DLG2: variants seen among roughly 807,000 people sequenced by gnomAD.
DLG2 encodes discs large MAGUK scaffold protein 2, also known as disks large homolog 2.
In DLG2, 45 loss-of-function variants were observed where a neutral mutation model predicts 132.5. That is an observed-to-expected ratio of 0.34 (90% confidence interval 0.27 to 0.44). DLG2 has a LOEUF of 0.44. DLG2 is among the 20% of genes least tolerant of loss of function. The probability of loss-of-function intolerance (pLI) is 1.00; values close to 1 mark genes in which losing one functional copy is unlikely to be tolerated. For synonymous variants in DLG2, 424 were observed against 419.6 expected, an observed-to-expected ratio of 1.01 and a Z score of -0.13; for missense variants, 1,045 against 1,196.9, an observed-to-expected ratio of 0.87 and a Z score of 1.87.
At chr11:83,481,427 A>C (rs2093097150) in intron 22 of DLG2, among the ~76,000 whole-genome samples, 2 of 152,166 alleles carry the variant, frequency 1.3e-5, no homozygotes, top group South Asian at 4.1e-4. Context: ...TATAAATAAC[A>C]TCAGTTTTTT....
At chr11:84,459,435 T>G (rs956647040) in intron 7 of DLG2, among the ~76,000 whole-genome samples, 1 of 150,836 alleles carries the variant, frequency 6.6e-6, no homozygotes, top group East Asian at 1.9e-4. Context: ...GTTAAAATAA[T>G]TTATTATTTG....
intron 7 of DLG2, among the ~76,000 whole-genome samples, chr11:84,391,888 C>A (rs1312551363): frequency 6.6e-6 from 1 of 151,652 alleles, no homozygotes; most frequent in African/African-American, 2.4e-5. Context: ...TAAGGGGGTA[C>A]AAAGAGAACC....
chr11:84,994,125 G>A (rs1269884730), intron 6 of DLG2, among the ~76,000 whole-genome samples: 1 of 152,144 alleles, frequency 6.6e-6, no homozygotes, highest in Non-Finnish European at 1.5e-5. Flanking sequence ...AAAAACTGTG[G>A]CTCTTTCTGT....
At chr11:85,398,723 C>T (rs1463592572) in intron 3 of DLG2, among the ~76,000 whole-genome samples, 2 of 151,932 alleles carry the variant, frequency 1.3e-5, no homozygotes, top group African/African-American at 4.8e-5. Flanking sequence ...AAGACTAAAC[C>T]AGGAAGAAGT....
chr11:83,939,844 C>G (rs1258104761), intron 14 of DLG2, among the ~76,000 whole-genome samples: 8 of 152,126 alleles, frequency 5.3e-5, no homozygotes, highest in African/African-American at 1.4e-4. Context: ...ACTCTTATAC[C>G]TTTAACTGAA....
intron 6 of DLG2, among the ~76,000 whole-genome samples, chr11:84,699,808 G>A (rs528281974): frequency 6.6e-6 from 1 of 151,650 alleles, no homozygotes; most frequent in South Asian, 2.1e-4. Flanking sequence ...GCTTCATATA[G>A]GATAGCTTCC....
intron 6 of DLG2, among the ~76,000 whole-genome samples, chr11:84,920,240 C>T (rs1408328566): frequency 6.6e-6 from 1 of 152,112 alleles, no homozygotes; most frequent in Non-Finnish European, 1.5e-5. Context: ...TTGTAAGAAC[C>T]CATGTTCTAA....
chr11:84,271,372 C>T (rs781204099), intron 7 of DLG2, among the ~76,000 whole-genome samples: 8 of 152,112 alleles, frequency 5.3e-5, no homozygotes, highest in East Asian at 3.8e-4. Flanking sequence ...GAGTAGCCCA[C>T]GAATTATGAG....
chr11:84,389,149 T>C (rs1452152892), intron 7 of DLG2, among the ~76,000 whole-genome samples: 3 of 152,174 alleles, frequency 2.0e-5, no homozygotes, highest in African/African-American at 7.2e-5. Flanking sequence ...CTCGCTAACA[T>C]TTCTGAGGTT....
At chr11:85,464,530 G>C (rs1192027073) in intron 3 of DLG2, among the ~76,000 whole-genome samples, 1 of 152,068 alleles carries the variant, frequency 6.6e-6, no homozygotes, top group Non-Finnish European at 1.5e-5. Context: ...TCACAAGTTC[G>C]GGTGGCATCA....
intron 6 of DLG2, among the ~76,000 whole-genome samples, chr11:84,676,951 A>T (rs2099713462): frequency 6.6e-6 from 1 of 151,972 alleles, no homozygotes; most frequent in African/African-American, 2.4e-5. Flanking sequence ...CCTTTTCAAA[A>T]GCGTGGGGCA....
intron 3 of DLG2, among the ~76,000 whole-genome samples, chr11:85,288,136 A>G (rs889432667): frequency 6.6e-6 from 1 of 152,052 alleles, no homozygotes; most frequent in Non-Finnish European, 1.5e-5. Flanking sequence ...TGCTGTGTAT[A>G]TTATAGATAA....
chr11:85,474,929 C>CA (rs1229918168), intron 3 of DLG2, among the ~76,000 whole-genome samples: 3 of 150,930 alleles, frequency 2.0e-5, no homozygotes, highest in Non-Finnish European at 3.0e-5. Flanking sequence ...AATGAACAAG[C>CA]AAAGTTCCTA....
chr11:84,618,089 G>A (rs2099607627), intron 6 of DLG2, among the ~76,000 whole-genome samples: 2 of 152,006 alleles, frequency 1.3e-5, no homozygotes, highest in South Asian at 4.1e-4. Context: ...ATAGTAAAAA[G>A]CATCTGAAGC....
intron 3 of DLG2, among the ~76,000 whole-genome samples, chr11:85,328,749 AACATAGTGTTGGAAGTTCT>A (rs2081543690): frequency 6.6e-6 from 1 of 151,046 alleles, no homozygotes; most frequent in Non-Finnish European, 1.5e-5. Context: ...GCTCCTATTC[AACATAGTGTTGGAAGTTCT>A]GGCCAGGGCA....
intron 17 of DLG2, among the ~76,000 whole-genome samples, chr11:83,822,600 G>T (rs1292369170): frequency 6.6e-6 from 1 of 152,168 alleles, no homozygotes; most frequent in Non-Finnish European, 1.5e-5. Flanking sequence ...CCACACTAAC[G>T]TGTAAGGTGC....
In DLG2 at chr11:83,864,305, T is replaced by C. The variant is rs572601632; in HGVS notation, c.1565+10115A>G. ...AATTACTATAATTTTCAACATTCTG[T>C]CACCCTATTAGTCTGAGTTCTTCAG... On this transcript the variant is annotated intron_variant, in intron 16 of 27. Coordinates refer to ENST00000376104, the MANE Select transcript of DLG2 (RefSeq NM_001142699.3). Among the ~76,000 whole-genome samples, 46 of 152,352 alleles carry C rather than the reference T, an allele frequency of 3.0e-4. 1 individual carries two copies. The South Asian group carries it at 9.5e-3, about 32-fold the overall frequency.
intron 19 of DLG2, among the ~76,000 whole-genome samples, chr11:83,582,572 T>C (rs187014276): frequency 3.7e-4 from 56 of 152,340 alleles, no homozygotes; most frequent in Middle Eastern, 3.4e-3. Context: ...TGGTTCATAC[T>C]TAGCACTAGT....
At chr11:83,573,482 G>C (rs1233238284) in intron 19 of DLG2, among the ~76,000 whole-genome samples, 4 of 152,062 alleles carry the variant, frequency 2.6e-5, no homozygotes, top group African/African-American at 9.7e-5. Context: ...CTACTAAAAT[G>C]ATTCTGATGA....
Sources: gnomAD v4.1 joint callset for allele counts (sites outside exome capture counted in the v4.1 genomes callset) on GRCh38, gnomAD v4.1.1 for gene constraint, MANE v1.5 for transcripts, NCBI Gene and HGNC (gene_info 2026-07-23, HGNC 2026-07-21) for gene names.